MGAT5: variants seen among roughly 807,000 people sequenced by gnomAD.
MGAT5 encodes alpha-1,6-mannosylglycoprotein 6-beta-N-acetylglucosaminyltransferase A.
MGAT5 carries 30 observed loss-of-function variants against 94.3 expected under a neutral mutation model. The observed-to-expected ratio is 0.32, with a 90% CI of 0.24 to 0.43. The LOEUF (loss-of-function observed/expected upper bound fraction) is 0.43. Among genes scored for constraint, MGAT5 ranks in the 20% least tolerant of loss-of-function variants. MGAT5 has a pLI of 1.00. For synonymous variants in MGAT5, 310 were observed against 322.9 expected (o/e 0.96, Z 0.43); for missense variants, 691 against 905.5 (o/e 0.76, Z 3.04).
chr2:134,194,915 T>C (rs1679424926), intron 1 of MGAT5, among the ~76,000 whole-genome samples: 1 of 152,232 alleles, frequency 6.6e-6, no homozygotes, highest in Admixed American at 6.5e-5. Flanking sequence ...TGGAAGCTGA[T>C]AATGCAGTTG....
chr2:134,317,064 A>G (rs1187477690), intron 2 of MGAT5, among the ~76,000 whole-genome samples: 2 of 152,028 alleles, frequency 1.3e-5, no homozygotes, highest in Non-Finnish European at 2.9e-5. Context: ...CACCAGCTCT[A>G]TTCACACCTC....
In MGAT5 at chr2:134,271,735, C is replaced by G. The variant is rs928518092; in HGVS notation, c.406+1185C>G. 6.6e-5 allele frequency among the ~76,000 whole-genome samples: 10 copies of G among 152,126 alleles called. 1 individual carries two copies. Among genetic ancestry groups the G allele is most frequent in the Admixed American group, 5.2e-4 (8 of 15,276 alleles). On this transcript the variant is annotated intron_variant, in intron 2 of 15. Coordinates refer to ENST00000281923, the MANE Select transcript of MGAT5 (RefSeq NM_002410.5). Reference sequence around the variant, plus strand: ...AACCAAACAAAGGTATTAAAAATAACTTTTAATTACAACACAGAGGCAGTG... The same window carrying G: ...AACCAAACAAAGGTATTAAAAATAAGTTTTAATTACAACACAGAGGCAGTG...
intron 2 of MGAT5, among the ~76,000 whole-genome samples, chr2:134,289,533 C>T (rs1220744888): frequency 1.3e-5 from 2 of 152,174 alleles, no homozygotes; most frequent in African/African-American, 4.8e-5. Context: ...GCGTAGCAGG[C>T]CTGACATAGC....
chr2:134,347,292 G>A (rs183360749), intron 8 of MGAT5, among the ~76,000 whole-genome samples: 5 of 152,088 alleles, frequency 3.3e-5, no homozygotes, highest in Non-Finnish European at 7.4e-5. Context: ...CAAGTAAAAG[G>A]ATGTCGAATT....
At chr2:134,305,319 A>T (rs1232351948) in intron 2 of MGAT5, among the ~76,000 whole-genome samples, 2 of 152,160 alleles carry the variant, frequency 1.3e-5, no homozygotes, top group African/African-American at 4.8e-5. Flanking sequence ...TTGCCTCTAG[A>T]TGTCTGGCTG....
At chr2:134,202,682 C>T (rs1158077164) in intron 1 of MGAT5, among the ~76,000 whole-genome samples, 1 of 152,206 alleles carries the variant, frequency 6.6e-6, no homozygotes, top group Admixed American at 6.5e-5. Context: ...GTGAGATAAG[C>T]AGTGTCTTCA....
intron 1 of MGAT5, among the ~76,000 whole-genome samples, chr2:134,157,530 C>A (rs1389996672): frequency 1.3e-5 from 2 of 152,042 alleles, no homozygotes; most frequent in African/African-American, 2.4e-5. Flanking sequence ...GGTCCCCAAC[C>A]TTTTTGGCAC....
intron 9 of MGAT5, among the ~76,000 whole-genome samples, chr2:134,359,355 G>T (rs534867161): frequency 6.6e-6 from 1 of 152,218 alleles, no homozygotes; most frequent in Non-Finnish European, 1.5e-5. Flanking sequence ...AGCCAATCTG[G>T]CTCTGAATCC....
At chr2:134,293,385 C>T (rs62167968) in intron 2 of MGAT5, among the ~76,000 whole-genome samples, 7,197 of 152,196 alleles carry the variant, frequency 0.047, 236 homozygotes, top group South Asian at 0.1. Flanking sequence ...TGCTCCGTTC[C>T]TTTTCTTCCC....
intron 2 of MGAT5, among the ~76,000 whole-genome samples, chr2:134,316,222 G>GC (rs1241828173): frequency 1.3e-5 from 2 of 152,146 alleles, no homozygotes; most frequent in Non-Finnish European, 2.9e-5. Flanking sequence ...ACATTATTCT[G>GC]CCGTGTTCTT....
intron 13 of MGAT5, among the ~76,000 whole-genome samples, chr2:134,425,060 G>T (rs1684502327): frequency 6.6e-6 from 1 of 152,186 alleles, no homozygotes; most frequent in Admixed American, 6.5e-5. Context: ...CTTAGTTAAT[G>T]CTTGTACTCT....
At chr2:134,140,693 T>G (rs1686616994) in intron 1 of MGAT5, among the ~76,000 whole-genome samples, 1 of 152,224 alleles carries the variant, frequency 6.6e-6, no homozygotes, top group Non-Finnish European at 1.5e-5. Flanking sequence ...AATAGCTAAC[T>G]TGTACCAGGC....
intron 10 of MGAT5, among the ~76,000 whole-genome samples, chr2:134,385,732 TAAA>T (rs1030365876): frequency 1.3e-5 from 2 of 152,154 alleles, no homozygotes; most frequent in Admixed American, 6.5e-5. Context: ...GCATGACAAT[TAAA>T]AAATGAAAAG....
rs1435893598 is a variant in MGAT5 at position 134,205,770 on chromosome 2, G to A, written c.-142-48492G>A. Among the ~76,000 whole-genome samples the A allele has an allele frequency of 2.0e-5, 3 of 152,296 alleles. No individual in the cohort carries two copies. The East Asian group carries it at 5.8e-4, about 29-fold the overall frequency. On this transcript the variant is annotated intron_variant, in intron 1 of 16. Transcript: ENST00000409645. Reference sequence around the variant, plus strand: ...AGGGAGAGAATATGGATAGAGAAGAGATTTGAGGACAGAGCCCAGGGGTGT... The same window carrying A: ...AGGGAGAGAATATGGATAGAGAAGAAATTTGAGGACAGAGCCCAGGGGTGT...
intron 7 of MGAT5, among the ~76,000 whole-genome samples, chr2:134,342,429 A>G (rs1319532907): frequency 6.6e-6 from 1 of 152,188 alleles, no homozygotes; most frequent in African/African-American, 2.4e-5. Context: ...TATTTCCAGA[A>G]GGAATACCTT....
At chr2:134,395,713 C>T (rs1435638363) in intron 10 of MGAT5, among the ~76,000 whole-genome samples, 2 of 152,202 alleles carry the variant, frequency 1.3e-5, no homozygotes, top group African/African-American at 4.8e-5. Flanking sequence ...TTGCTCTTTC[C>T]GTACCACCCA....
chr2:134,281,747 G>T (rs1684710173), intron 2 of MGAT5, among the ~76,000 whole-genome samples: 1 of 152,178 alleles, frequency 6.6e-6, no homozygotes, highest in Admixed American at 6.5e-5. Context: ...GTGCGGGAGT[G>T]CTCAGCTCTC....
At chr2:134,277,651 G>A (rs1223626326) in intron 2 of MGAT5, among the ~76,000 whole-genome samples, 3 of 152,108 alleles carry the variant, frequency 2.0e-5, no homozygotes, top group Non-Finnish European at 4.4e-5. Flanking sequence ...GACCAATAAC[G>A]TTCTTAGAAA....
At chr2:134,305,988 G>A (rs985153261) in intron 2 of MGAT5, among the ~76,000 whole-genome samples, 6 of 152,088 alleles carry the variant, frequency 3.9e-5, no homozygotes, top group Admixed American at 6.5e-5. Context: ...GTCTCAGTAT[G>A]TTAGCATTAT....
Sources: allele counts gnomAD v4.1 joint callset (sites outside exome capture counted in the v4.1 genomes callset), GRCh38; gene constraint gnomAD v4.1.1; transcripts MANE v1.5; gene names NCBI Gene and HGNC (gene_info 2026-07-23, HGNC 2026-07-21).